Variants in SLIT3 observed in about 807,000 individuals in gnomAD.
The protein encoded by SLIT3 is slit guidance ligand 3.
SLIT3 carries 68 observed loss-of-function variants against 184.0 expected under a neutral mutation model. That is an observed-to-expected ratio of 0.37 (90% CI 0.30 to 0.45). The LOEUF is 0.45. SLIT3 is among the 20% of genes least tolerant of loss of function. SLIT3 has a pLI of 1.00. For synonymous variants in SLIT3, 831 were observed against 828.6 expected (o/e 1.00, Z -0.05); for missense variants, 1,707 against 2,026.0 (o/e 0.84, Z 3.02).
intron 4 of SLIT3, among the ~76,000 whole-genome samples, chr5:168,940,311 A>G (rs1379561046): frequency 6.6e-6 from 1 of 152,222 alleles, no homozygotes; most frequent in Non-Finnish European, 1.5e-5. Flanking sequence ...ATTGAATGCC[A>G]GATGTCACTA....
chr5:169,154,569 C>G (rs532293255), intron 4 of SLIT3, among the ~76,000 whole-genome samples: 19 of 152,346 alleles, frequency 1.2e-4, no homozygotes, highest in Non-Finnish European at 2.6e-4. Flanking sequence ...TGGGTCAAAT[C>G]CCAGCCCCAG....
At chr5:168,793,421 C>T (rs1756454383) in intron 10 of SLIT3, among the ~76,000 whole-genome samples, 1 of 152,172 alleles carries the variant, frequency 6.6e-6, no homozygotes, top group Non-Finnish European at 1.5e-5. Context: ...ATTGATTGCA[C>T]TTCAGTCTAG....
At chr5:169,090,656 A>T (rs1759546020) in intron 4 of SLIT3, among the ~76,000 whole-genome samples, 1 of 152,238 alleles carries the variant, frequency 6.6e-6, no homozygotes, top group Admixed American at 6.5e-5. Context: ...GGATCTTGAA[A>T]AGAGAGACTG....
At chr5:168,982,447 C>T (rs559279986) in intron 4 of SLIT3, among the ~76,000 whole-genome samples, 2 of 152,308 alleles carry the variant, frequency 1.3e-5, no homozygotes, top group South Asian at 4.2e-4. Flanking sequence ...TGACCTTGGA[C>T]TTCCCAGCCT....
At chr5:168,965,663 C>T (rs553211069) in intron 4 of SLIT3, among the ~76,000 whole-genome samples, 55 of 152,310 alleles carry the variant, frequency 3.6e-4, no homozygotes, top group African/African-American at 1.1e-3. Flanking sequence ...CTATTATGCA[C>T]CTACCCTAAG....
chr5:168,962,964 G>T (rs187509623), intron 4 of SLIT3, among the ~76,000 whole-genome samples: 1 of 152,094 alleles, frequency 6.6e-6, no homozygotes, highest in Admixed American at 6.5e-5. Flanking sequence ...AAGTCTCCCC[G>T]AAACTGTCCA....
intron 5 of SLIT3, among the ~76,000 whole-genome samples, chr5:168,872,933 C>A (rs939695863): frequency 6.6e-6 from 1 of 152,150 alleles, no homozygotes; most frequent in Non-Finnish European, 1.5e-5. Flanking sequence ...AGCCACTGTG[C>A]CTGGCCAAAA....
chr5:168,866,656 A>G (rs1228661034), intron 5 of SLIT3, among the ~76,000 whole-genome samples: 2 of 152,194 alleles, frequency 1.3e-5, no homozygotes, highest in Non-Finnish European at 2.9e-5. Context: ...TGTTTTAAAC[A>G]CTGTTAACAG....
At position 169,244,694 on chromosome 5, in the gene SLIT3, A is replaced by T. The variant is rs10063591; in HGVS notation, c.341+11T>A. On this transcript the variant is annotated intron_variant, in intron 3 of 35. Transcript: ENST00000519560. ...TAAATACTTTAAGAAAGGAGGCTGT[A>T]CTGTACTTACAGTCGCTCTAGCTGC... 203,194 of 1,606,924 alleles carry T rather than the reference A, an allele frequency of 0.13. 14,518 individuals are homozygous for T. Among genetic ancestry groups the T allele is most frequent in the East Asian group, 0.3 (13,618 of 44,812 alleles).
chr5:169,054,917 T>C (rs1378674679), intron 4 of SLIT3, among the ~76,000 whole-genome samples: 1 of 152,118 alleles, frequency 6.6e-6, no homozygotes, highest in South Asian at 2.1e-4. Flanking sequence ...TTGTTCTGGT[T>C]CTTCCCACAT....
At chr5:168,998,629 G>A (rs895038589) in intron 4 of SLIT3, among the ~76,000 whole-genome samples, 7 of 152,116 alleles carry the variant, frequency 4.6e-5, no homozygotes, top group South Asian at 4.2e-4. Flanking sequence ...GCTTGAACCC[G>A]AGAGGCAGAG....
intron 8 of SLIT3, among the ~76,000 whole-genome samples, chr5:168,815,770 A>G (rs1307699205): frequency 6.6e-6 from 1 of 152,248 alleles, no homozygotes; most frequent in African/African-American, 2.4e-5. Context: ...GTGATCTAAG[A>G]GCAGAAGAGG....
chr5:169,045,581 T>A (rs1042718714), intron 4 of SLIT3, among the ~76,000 whole-genome samples: 1 of 152,110 alleles, frequency 6.6e-6, no homozygotes, highest in South Asian at 2.1e-4. Flanking sequence ...AAGGAGTGAA[T>A]GAATATGTGT....
chr5:169,224,526 C>G (rs188994609), intron 3 of SLIT3, among the ~76,000 whole-genome samples: 14 of 152,006 alleles, frequency 9.2e-5, no homozygotes, highest in Non-Finnish European at 1.6e-4. Context: ...CACTACCACA[C>G]GTGGCTAACC....
At chr5:168,774,196 T>A (rs1441592423) in intron 13 of SLIT3, 39 bp downstream of exon 13, 2 of 1,564,008 alleles carry the variant, frequency 1.3e-6, no homozygotes, top group African/African-American at 2.7e-5. Context: ...GGTCTCCTGC[T>A]GCTTGGGCAC....
At chr5:168,838,731 C>T (rs1422857780) in intron 6 of SLIT3, among the ~76,000 whole-genome samples, 1 of 152,150 alleles carries the variant, frequency 6.6e-6, no homozygotes, top group Non-Finnish European at 1.5e-5. Flanking sequence ...TTTCCACTGC[C>T]TTCCTCTTGT....
intron 1 of SLIT3, among the ~76,000 whole-genome samples, chr5:169,299,566 G>C (rs1767616331): frequency 6.6e-6 from 1 of 152,024 alleles, no homozygotes; most frequent in Non-Finnish European, 1.5e-5. Flanking sequence ...CCACTCCAGC[G>C]TTTCTCCCCC....
chr5:168,952,911 G>A (rs1330804600), intron 4 of SLIT3, among the ~76,000 whole-genome samples: 1 of 152,178 alleles, frequency 6.6e-6, no homozygotes, highest in African/African-American at 2.4e-5. Flanking sequence ...CAAAGAGCAG[G>A]GAGGGCGTCA....
At chr5:168,855,138 C>T (rs1464624418) in intron 5 of SLIT3, among the ~76,000 whole-genome samples, 1 of 152,144 alleles carries the variant, frequency 6.6e-6, no homozygotes, top group African/African-American at 2.4e-5. Flanking sequence ...ACAGGAGGTG[C>T]TCAGTAAAAA....
Sources: gnomAD v4.1 joint callset for allele counts (sites outside exome capture counted in the v4.1 genomes callset) on GRCh38, gnomAD v4.1.1 for gene constraint, MANE v1.5 for transcripts, NCBI Gene and HGNC (gene_info 2026-07-23, HGNC 2026-07-21) for gene names.